Variants in ADAMTS6 observed in about 807,000 individuals in gnomAD.
ADAMTS6 encodes ADAM metallopeptidase with thrombospondin type 1 motif 6.
Under a neutral mutation model 144.3 loss-of-function variants are expected in ADAMTS6, and 23 were observed. The observed-to-expected ratio is 0.16, with a 90% CI of 0.11 to 0.23. The LOEUF (loss-of-function observed/expected upper bound fraction) is 0.23, where lower values mean the gene tolerates loss of function less well. ADAMTS6 is among the 10% of genes least tolerant of loss of function. The probability of loss-of-function intolerance (pLI) is 1.00; values close to 1 mark genes in which losing one functional copy is unlikely to be tolerated. For synonymous variants in ADAMTS6, 444 were observed against 457.5 expected (o/e 0.97, Z 0.38); for missense variants, 999 against 1,379.6 (o/e 0.72, Z 4.37).
intron 21 of ADAMTS6, among the ~76,000 whole-genome samples, chr5:65,191,806 A>G (rs1288218149): frequency 1.3e-5 from 2 of 152,158 alleles, no homozygotes; most frequent in Admixed American, 6.5e-5. Context: ...AAATTTTTAA[A>G]AATCAACATA....
chr5:65,470,394 G>A (rs1760341103), intron 3 of ADAMTS6, among the ~76,000 whole-genome samples: 1 of 152,094 alleles, frequency 6.6e-6, no homozygotes, highest in Admixed American at 6.6e-5. Context: ...ATTATAAAAA[G>A]AATGTCAGTG....
rs181669819 is a variant in ADAMTS6 at position 65,378,846 on chromosome 5, T to G, written c.1074-44761A>C. 3.0e-3 allele frequency among the ~76,000 whole-genome samples: 463 copies of G among 152,294 alleles called. 5 individuals are homozygous for G. The highest frequency in any genetic ancestry group is 0.014 in the South Asian group (68 of 4,828). On this transcript the variant is annotated intron_variant, in intron 7 of 24. Transcript: ENST00000381055. ...CTCTTGAAGACAAAGTCATTCTCTG[T>G]GCTTCTTTCTGTATTCTCCAGAATA...
chr5:65,428,067 A>G (rs554452361), intron 7 of ADAMTS6, among the ~76,000 whole-genome samples: 14 of 151,844 alleles, frequency 9.2e-5, no homozygotes, highest in Non-Finnish European at 1.8e-4. Flanking sequence ...CTCTACTAAA[A>G]ATACAAAAAT....
intron 7 of ADAMTS6, among the ~76,000 whole-genome samples, chr5:65,378,852 T>C (rs955837446): frequency 6.6e-6 from 1 of 152,198 alleles, no homozygotes; most frequent in African/African-American, 2.4e-5. Context: ...TCTGTGCTTC[T>C]TTCTGTATTC....
Position 65,234,274 on chromosome 5 carries a change from A to G in ADAMTS6, c.1933+7830T>C, listed in dbSNP as rs114729392. Among the ~76,000 whole-genome samples the G allele has an allele frequency of 8.6e-3, 1,304 of 152,066 alleles. 17 individuals carry two copies. The highest frequency in any genetic ancestry group is 0.03 in the African/African-American group (1,233 of 41,538). ...AAGCACAGACAAAAAATGCCAAAATAAACAAGCGAGACTATGTCAAACTAA... is the reference window on the plus strand; with the variant it reads ...AAGCACAGACAAAAAATGCCAAAATGAACAAGCGAGACTATGTCAAACTAA... On this transcript the variant is annotated intron_variant, in intron 15 of 24. Coordinates refer to ENST00000381055, the MANE Select transcript of ADAMTS6 (RefSeq NM_197941.4).
intron 15 of ADAMTS6, among the ~76,000 whole-genome samples, chr5:65,233,555 T>C (rs1053115598): frequency 6.6e-6 from 1 of 151,980 alleles, no homozygotes; most frequent in South Asian, 2.1e-4. Context: ...TTACATAAGA[T>C]AGAAATTAAG....
intron 14 of ADAMTS6, among the ~76,000 whole-genome samples, chr5:65,260,135 T>C (rs930358167): frequency 3.3e-5 from 5 of 152,082 alleles, no homozygotes; most frequent in African/African-American, 1.2e-4. Context: ...TTCCTGAAAG[T>C]ACAGAAGAAG....
At chr5:65,415,407 C>T (rs193151248) in intron 7 of ADAMTS6, 290 of 163,534 alleles carry the variant, frequency 1.8e-3, no homozygotes, top group Non-Finnish European at 3.1e-3. Context: ...GATGGGAAAC[C>T]GCAGTGGCTT....
intron 7 of ADAMTS6, among the ~76,000 whole-genome samples, chr5:65,450,011 G>A (rs191322646): frequency 4.6e-5 from 7 of 152,224 alleles, no homozygotes; most frequent in Admixed American, 1.3e-4. Context: ...ATTTATGATC[G>A]TTTTGTTAGC....
At chr5:65,399,366 C>T (rs1229228483) in intron 7 of ADAMTS6, among the ~76,000 whole-genome samples, 1 of 152,176 alleles carries the variant, frequency 6.6e-6, no homozygotes, top group African/African-American at 2.4e-5. Flanking sequence ...CATTGATATT[C>T]ACAATATTTA....
At chr5:65,217,086 T>G (rs1326542961) in intron 18 of ADAMTS6, among the ~76,000 whole-genome samples, 3 of 152,194 alleles carry the variant, frequency 2.0e-5, no homozygotes, top group African/African-American at 4.8e-5. Context: ...GCAAAAATAT[T>G]TGTAGTTTCT....
At chr5:65,350,171 G>T (rs1306649062) in intron 7 of ADAMTS6, among the ~76,000 whole-genome samples, 1 of 152,180 alleles carries the variant, frequency 6.6e-6, no homozygotes, top group Non-Finnish European at 1.5e-5. Flanking sequence ...GATGTCACAC[G>T]TTCTATAGTA....
intron 2 of ADAMTS6, among the ~76,000 whole-genome samples, chr5:65,473,122 C>T (rs72760601): frequency 0.046 from 6,944 of 152,188 alleles, 195 homozygotes; most frequent in Non-Finnish European, 0.068. Context: ...TTCTTACACT[C>T]AGATTCTAGT....
intron 7 of ADAMTS6, among the ~76,000 whole-genome samples, chr5:65,406,902 G>A (rs2150175112): frequency 6.6e-6 from 1 of 152,178 alleles, no homozygotes; most frequent in South Asian, 2.1e-4. Flanking sequence ...AAGATCACAT[G>A]AATGAAATGA....
At chr5:65,301,648 G>GA (rs1161336379) in intron 9 of ADAMTS6, among the ~76,000 whole-genome samples, 2 of 152,088 alleles carry the variant, frequency 1.3e-5, no homozygotes, top group Non-Finnish European at 2.9e-5. Flanking sequence ...GGAGTAGTCA[G>GA]AAAATCATTA....
chr5:65,366,228 GT>G (rs1269243497), intron 7 of ADAMTS6, among the ~76,000 whole-genome samples: 3 of 152,102 alleles, frequency 2.0e-5, no homozygotes, highest in Non-Finnish European at 2.9e-5. Context: ...AAAGGTAGAA[GT>G]AAAAATTATG....
At chr5:65,218,213 C>A (rs1318097108) in intron 18 of ADAMTS6, among the ~76,000 whole-genome samples, 1 of 152,142 alleles carries the variant, frequency 6.6e-6, no homozygotes, top group Non-Finnish European at 1.5e-5. Flanking sequence ...GCATTTCAAT[C>A]ACCAGGCCAT....
chr5:65,338,938 G>A (rs1747570240), intron 7 of ADAMTS6, among the ~76,000 whole-genome samples: 1 of 151,730 alleles, frequency 6.6e-6, no homozygotes, highest in South Asian at 2.1e-4. Context: ...GCCAACCCTG[G>A]CAGACACATC....
chr5:65,445,748 A>C (rs1580726788), intron 7 of ADAMTS6, among the ~76,000 whole-genome samples: 1 of 152,312 alleles, frequency 6.6e-6, no homozygotes, highest in Admixed American at 6.5e-5. Flanking sequence ...AACACTTCTG[A>C]GTAAGAAACC....
Sources: gnomAD v4.1 joint callset for allele counts (sites outside exome capture counted in the v4.1 genomes callset) on GRCh38, gnomAD v4.1.1 for gene constraint, MANE v1.5 for transcripts, NCBI Gene and HGNC (gene_info 2026-07-23, HGNC 2026-07-21) for gene names.